The following RBFOX1 variants were observed in gnomAD, a reference collection of about 807,000 sequenced individuals.
RBFOX1 encodes RNA binding protein fox-1 homolog 1.
A neutral mutation model predicts 57.7 loss-of-function variants in RBFOX1; 8 were observed. The observed-to-expected ratio is 0.14, with a 90% confidence interval of 0.08 to 0.25. RBFOX1 has a LOEUF of 0.25. Among genes scored for constraint, RBFOX1 ranks in the 10% least tolerant of loss-of-function variants. The pLI is 1.00. For synonymous variants in RBFOX1, 326 were observed against 222.4 expected (o/e 1.47, Z -4.15); for missense variants, 611 against 548.5 (o/e 1.11, Z -1.14).
chr16:5,536,733 A>G (rs1241483319), intron 2 of RBFOX1, among the ~76,000 whole-genome samples: 1 of 151,998 alleles, frequency 6.6e-6, no homozygotes, highest in African/African-American at 2.4e-5. Context: ...ATGGGTCAAC[A>G]GGGAGCAGGT....
intron 3 of RBFOX1, among the ~76,000 whole-genome samples, chr16:6,786,005 C>G (rs561280968): frequency 6.6e-6 from 1 of 152,284 alleles, no homozygotes; most frequent in Admixed American, 6.5e-5. Flanking sequence ...CCTTAAACAC[C>G]CCATCTTGAG....
chr16:5,654,439 T>TACC (rs1397510767), intron 3 of RBFOX1, among the ~76,000 whole-genome samples: 1 of 152,184 alleles, frequency 6.6e-6, no homozygotes, highest in African/African-American at 2.4e-5. Flanking sequence ...CTAAAGTCCA[T>TACC]ACCATTTCTT....
At chr16:7,332,861 G>C in intron 4 of RBFOX1, 3 of 1,466,542 alleles carry the variant, frequency 2.0e-6, no homozygotes, top group Non-Finnish European at 2.7e-6. Context: ...TTCCTCTCCC[G>C]GCGTTGATGA....
intron 1 of RBFOX1, among the ~76,000 whole-genome samples, chr16:5,325,791 T>C (rs1325176888): frequency 1.3e-5 from 2 of 152,258 alleles, no homozygotes; most frequent in Non-Finnish European, 2.9e-5. Flanking sequence ...TATTCCATTG[T>C]ATGGATATAC....
intron 2 of RBFOX1, among the ~76,000 whole-genome samples, chr16:5,485,129 G>A (rs1416587588): frequency 2.6e-5 from 4 of 151,758 alleles, no homozygotes; most frequent in South Asian, 2.1e-4. Flanking sequence ...GGCGGATGAC[G>A]AGGTCAGAAG....
At chr16:6,076,359 C>T (rs1349425778) in intron 1 of RBFOX1, among the ~76,000 whole-genome samples, 1 of 151,776 alleles carries the variant, frequency 6.6e-6, no homozygotes, top group Non-Finnish European at 1.5e-5. Flanking sequence ...CACACACACA[C>T]ACCCCACCTC....
intron 2 of RBFOX1, among the ~76,000 whole-genome samples, chr16:6,431,667 C>A (rs758447426): frequency 6.6e-6 from 1 of 151,994 alleles, no homozygotes; most frequent in African/African-American, 2.4e-5. Flanking sequence ...AGGACTTGGG[C>A]ACTTAGTCTG....
chr16:7,105,757 T>C (rs2063473308), intron 4 of RBFOX1, among the ~76,000 whole-genome samples: 1 of 140,420 alleles, frequency 7.1e-6, no homozygotes, highest in African/African-American at 2.7e-5. Context: ...CACAGAGATA[T>C]ATATCTATAT....
In RBFOX1 at chr16:6,820,265, A is replaced by C. The variant is rs2091036255; in HGVS notation, c.-16+165615A>C. ...ACCTTTTCTTCTTTATAAATTGTCC[A>C]GTCTCAGGTATTTCTTCATAGCATT... On this transcript the variant is annotated intron_variant, in intron 3 of 15. Coordinates refer to ENST00000550418, the MANE Select transcript of RBFOX1 (RefSeq NM_018723.4). Among the ~76,000 whole-genome samples the C allele has an allele frequency of 2.6e-5, 4 of 152,318 alleles. No individual in the cohort carries two copies. The South Asian group carries it at 8.3e-4, about 32-fold the overall frequency.
At chr16:5,568,681 G>T (rs926556823) in intron 2 of RBFOX1, among the ~76,000 whole-genome samples, 3 of 152,180 alleles carry the variant, frequency 2.0e-5, no homozygotes, top group Non-Finnish European at 4.4e-5. Flanking sequence ...GCCAGCATGG[G>T]CTTTCTCTCT....
intron 3 of RBFOX1, among the ~76,000 whole-genome samples, chr16:6,802,483 C>T (rs377254666): frequency 6.6e-6 from 1 of 152,094 alleles, no homozygotes; most frequent in Non-Finnish European, 1.5e-5. Flanking sequence ...TTGAGACCAG[C>T]CTGACCAATT....
intron 4 of RBFOX1, among the ~76,000 whole-genome samples, chr16:7,140,860 A>C (rs1367116408): frequency 6.6e-6 from 1 of 152,220 alleles, no homozygotes; most frequent in Non-Finnish European, 1.5e-5. Flanking sequence ...GCAGGATTTC[A>C]TGAAGCTCTT....
intron 5 of RBFOX1, among the ~76,000 whole-genome samples, chr16:7,564,320 G>T (rs1034614667): frequency 1.3e-5 from 2 of 150,420 alleles, no homozygotes; most frequent in African/African-American, 2.5e-5. Flanking sequence ...TGGGTAGATC[G>T]CGAGGTCAGG....
At chr16:7,104,104 T>C (rs1050038915) in intron 4 of RBFOX1, among the ~76,000 whole-genome samples, 2 of 152,182 alleles carry the variant, frequency 1.3e-5, no homozygotes, top group African/African-American at 2.4e-5. Context: ...AGAATAGTAA[T>C]TTAAGAAATA....
chr16:6,913,691 C>G (rs577616431), intron 3 of RBFOX1, among the ~76,000 whole-genome samples: 5 of 152,290 alleles, frequency 3.3e-5, no homozygotes, highest in Non-Finnish European at 7.4e-5. Context: ...GGCTCCTTGC[C>G]TAGCTGGGCC....
At chr16:6,764,028 G>A (rs983926537) in intron 3 of RBFOX1, among the ~76,000 whole-genome samples, 1 of 152,180 alleles carries the variant, frequency 6.6e-6, no homozygotes, top group Non-Finnish European at 1.5e-5. Context: ...CTGTCTGCAT[G>A]CTGTGAAGGA....
Position 5,730,570 on chromosome 16 carries a change from C to T in RBFOX1, c.318+131609C>T, listed in dbSNP as rs540839423. ...TAATCATCACCACTGCCATCATCATCGTCATCATTACCATCATCATCACCA... is the reference window on the plus strand; with the variant it reads ...TAATCATCACCACTGCCATCATCATTGTCATCATTACCATCATCATCACCA... On this transcript the variant is annotated intron_variant, in intron 3 of 19. Transcript: ENST00000641259. 9.5e-4 allele frequency among the ~76,000 whole-genome samples: 145 copies of T among 152,234 alleles called. 2 individuals carry two copies. Among genetic ancestry groups the T allele is most frequent in the African/African-American group, 3.2e-3 (134 of 41,538 alleles).
At chr16:5,323,686 C>T (rs988702709) in intron 1 of RBFOX1, among the ~76,000 whole-genome samples, 3 of 152,226 alleles carry the variant, frequency 2.0e-5, no homozygotes, top group Admixed American at 6.5e-5. Flanking sequence ...TAAGCTAACC[C>T]GGGCTTCAAA....
chr16:5,713,517 C>G (rs994571036), intron 3 of RBFOX1, among the ~76,000 whole-genome samples: 1 of 152,092 alleles, frequency 6.6e-6, no homozygotes, highest in Non-Finnish European at 1.5e-5. Flanking sequence ...CTCTTTGTTC[C>G]TAAGGAGGGT....
Sources: gnomAD v4.1 joint callset for allele counts (sites outside exome capture counted in the v4.1 genomes callset) on GRCh38, gnomAD v4.1.1 for gene constraint, MANE v1.5 for transcripts, NCBI Gene and HGNC (gene_info 2026-07-23, HGNC 2026-07-21) for gene names.